DTNBP1: variants seen among roughly 807,000 people sequenced by gnomAD.
DTNBP1 encodes the protein dystrobrevin binding protein 1.
DTNBP1 carries 35 observed loss-of-function variants against 42.8 expected under a neutral mutation model. That is an observed-to-expected ratio of 0.82 (90% confidence interval 0.63 to 1.09). The LOEUF is 1.09. Ranked by LOEUF, DTNBP1 falls within the 50% of genes least tolerant of loss-of-function variation. DTNBP1 has a pLI of 0.00. For synonymous variants in DTNBP1, 171 were observed against 162.2 expected, an observed-to-expected ratio of 1.05 and a Z score of -0.41; for missense variants, 457 against 424.2, an observed-to-expected ratio of 1.08 and a Z score of -0.68.
intron 1 of DTNBP1, among the ~76,000 whole-genome samples, chr6:15,661,364 A>C (rs972280912): frequency 3.4e-5 from 1 of 29,220 alleles, no homozygotes; most frequent in African/African-American, 1.3e-4. Context: ...TTTAAAAAAA[A>C]GGGGGGGAGG....
chr6:15,553,339 T>A (rs747878255), intron 7 of DTNBP1, among the ~76,000 whole-genome samples: 5 of 151,546 alleles, frequency 3.3e-5, no homozygotes, highest in Non-Finnish European at 7.4e-5. Context: ...AATACAAGAT[T>A]TTTAGACATT....
chr6:15,585,595 A>T, intron 7 of DTNBP1: 1 of 1,141,464 alleles, frequency 8.8e-7, no homozygotes, highest in Non-Finnish European at 1.2e-6. Context: ...GTTGAAATTT[A>T]ATTTCTGCTT....
At chr6:15,574,513 T>C (rs1383978216) in intron 7 of DTNBP1, among the ~76,000 whole-genome samples, 2 of 152,220 alleles carry the variant, frequency 1.3e-5, no homozygotes, top group Non-Finnish European at 2.9e-5. Flanking sequence ...CCATATAATT[T>C]TAGATGCCTT....
At chr6:15,540,808 A>G (rs926349811) in intron 7 of DTNBP1, among the ~76,000 whole-genome samples, 1 of 151,970 alleles carries the variant, frequency 6.6e-6, no homozygotes, top group African/African-American at 2.4e-5. Context: ...CTGCCAGCTA[A>G]TTTTTTTGTA....
intron 1 of DTNBP1, among the ~76,000 whole-genome samples, chr6:15,654,911 A>T (rs897826634): frequency 6.6e-6 from 1 of 152,240 alleles, no homozygotes; most frequent in Non-Finnish European, 1.5e-5. Flanking sequence ...TTTATTAGTT[A>T]TGACATCAGC....
chr6:15,661,059 C>A (rs1761584030), intron 1 of DTNBP1, among the ~76,000 whole-genome samples: 1 of 152,238 alleles, frequency 6.6e-6, no homozygotes, highest in African/African-American at 2.4e-5. Flanking sequence ...TTTCTAAACA[C>A]CAAACTAACA....
intron 3 of DTNBP1, 36 bp from the exon 4 acceptor site, chr6:15,637,840 C>A: frequency 1.3e-6 from 2 of 1,588,706 alleles, no homozygotes; most frequent in Admixed American, 1.7e-5. Context: ...AAATGCAAAC[C>A]ACACATTAAA....
intron 3 of DTNBP1, among the ~76,000 whole-genome samples, chr6:15,643,801 A>C (rs1468946628): frequency 6.6e-6 from 1 of 152,210 alleles, no homozygotes; most frequent in Non-Finnish European, 1.5e-5. Flanking sequence ...CTAAACATGG[A>C]AATGAAAGAA....
intron 6 of DTNBP1, among the ~76,000 whole-genome samples, chr6:15,610,962 G>A (rs1382398207): frequency 1.3e-5 from 2 of 152,230 alleles, no homozygotes; most frequent in African/African-American, 2.4e-5. Context: ...ATCTAGCTAC[G>A]ATAACTGATG....
intron 3 of DTNBP1, among the ~76,000 whole-genome samples, chr6:15,645,989 A>G (rs1473657397): frequency 6.6e-6 from 1 of 152,008 alleles, no homozygotes; most frequent in Non-Finnish European, 1.5e-5. Flanking sequence ...GAAAAGATGA[A>G]GACAAATTAA....
At chr6:15,604,848 A>C (rs1757938730) in intron 6 of DTNBP1, among the ~76,000 whole-genome samples, 1 of 152,228 alleles carries the variant, frequency 6.6e-6, no homozygotes, top group Non-Finnish European at 1.5e-5. Context: ...AGGACCCTTA[A>C]AATATGCATA....
intron 5 of DTNBP1, among the ~76,000 whole-genome samples, chr6:15,618,155 C>CA (rs1203041860): frequency 6.6e-6 from 1 of 151,146 alleles, no homozygotes; most frequent in Non-Finnish European, 1.5e-5. Flanking sequence ...AATGCAACAG[C>CA]AAAAAATAAA....
chr6:15,543,240 C>T (rs187249023), intron 7 of DTNBP1, among the ~76,000 whole-genome samples: 69 of 152,162 alleles, frequency 4.5e-4, no homozygotes, highest in African/African-American at 1.4e-3. Flanking sequence ...CTTTTTACTT[C>T]GAAATAATTA....
intron 3 of DTNBP1, among the ~76,000 whole-genome samples, chr6:15,640,354 C>T (rs1760274130): frequency 6.6e-6 from 1 of 152,194 alleles, no homozygotes; most frequent in Admixed American, 6.5e-5. Flanking sequence ...TGGATGTAAA[C>T]TCCTTCAATT....
chr6:15,611,739 G>T lies in DTNBP1; in HGVS notation c.488+3528C>A, dbSNP rs76432110. On this transcript the variant is annotated intron_variant, in intron 6 of 9. Coordinates refer to ENST00000344537, the MANE Select transcript of DTNBP1 (RefSeq NM_032122.5). ...GATTTCTGTGAAGGAAATAGCTACA[G>T]ATGTGGTAGAAATAGCAAGAGAACT... 7.2e-3 allele frequency among the ~76,000 whole-genome samples: 1,095 copies of T among 152,308 alleles called. 19 individuals are homozygous for T. Among genetic ancestry groups the T allele is most frequent in the African/African-American group, 0.025 (1,041 of 41,560 alleles).
intron 7 of DTNBP1, among the ~76,000 whole-genome samples, chr6:15,549,672 C>T (rs1488537609): frequency 6.6e-6 from 1 of 152,050 alleles, no homozygotes; most frequent in Non-Finnish European, 1.5e-5. Context: ...GCTCATTGTC[C>T]TGTCCTCACT....
In DTNBP1 at chr6:15,524,615, A is replaced by G. The variant is rs1429301579; in HGVS notation, c.722T>C (p.Met241Thr). The G allele has an allele frequency of 1.9e-6, 3 of 1,613,864 alleles. No individual in the cohort carries two copies. In the Admixed American group the frequency reaches 5.0e-5, roughly 27 times the overall value. ...CTGGTCCGATATGTCCATCAGGTCC[A>G]TCTGCTCCAGCATGTCCACGTTCAC... is the stretch of plus-strand genomic sequence containing the variant. ...MEVNVDMLEQ[M>T]DLMDISDQEA... Residue 241 changes from methionine to threonine, a missense_variant, in exon 9 of 10, where the codon ATG becomes ACG. Transcript: ENST00000344537.
At chr6:15,657,801 T>C (rs542401336) in intron 1 of DTNBP1, among the ~76,000 whole-genome samples, 1 of 152,346 alleles carries the variant, frequency 6.6e-6, no homozygotes, top group East Asian at 1.9e-4. Context: ...AAGCAAAGCA[T>C]TGAAGATATT....
chr6:15,533,305 T>C lies in DTNBP1; in HGVS notation c.602A>G (p.Glu201Gly). The change falls in exon 8 of 10, where the codon GAA (glutamate) becomes GGA (glycine). Residue 201 changes from glutamate to glycine, a missense_variant. Transcript: ENST00000344537. ...KLKERQKFFE[E>G]AFQQDMEQYL... ...CTGCTCCATGTCCTGCTGGAAGGCT[T>C]CCTCAAAAAACTTCTGCCGCTCCTT... 1 of 1,614,198 alleles carries C rather than the reference T, an allele frequency of 6.2e-7. No individual in the cohort carries two copies. The highest frequency in any genetic ancestry group is 1.1e-5 in the South Asian group (1 of 91,082).
Sources: allele counts gnomAD v4.1 joint callset (sites outside exome capture counted in the v4.1 genomes callset), GRCh38; gene constraint gnomAD v4.1.1; transcripts MANE v1.5; gene names NCBI Gene and HGNC (gene_info 2026-07-23, HGNC 2026-07-21).